DSCC1: variants seen among roughly 807,000 people sequenced by gnomAD.
The protein encoded by DSCC1 is DNA replication and sister chromatid cohesion 1.
DSCC1 carries 32 observed loss-of-function variants against 48.2 expected under a neutral mutation model. The ratio of observed to expected loss-of-function variants is 0.66; its 90% CI spans 0.50 to 0.89. DSCC1 has a LOEUF of 0.89. DSCC1 is among the 40% of genes least tolerant of loss of function. DSCC1 has a pLI of 0.00. For missense variants in DSCC1, 421 were observed against 471.7 expected (o/e 0.89, Z 1.00); for synonymous variants, 150 against 171.5 (o/e 0.87, Z 0.98).
chr8:119,848,245 G>T (rs994247499), intron 3 of DSCC1, among the ~76,000 whole-genome samples: 1 of 152,064 alleles, frequency 6.6e-6, no homozygotes, highest in African/African-American at 2.4e-5. Flanking sequence ...TTACAGGTGT[G>T]AACCATTGCC....
chr8:119,838,818 CT>C (rs1292926959), intron 7 of DSCC1: 1 of 153,246 alleles, frequency 6.5e-6, no homozygotes, highest in Non-Finnish European at 1.5e-5. Context: ...ACTGCAACCT[CT>C]GCCTCCTGGG....
intron 6 of DSCC1, 140 bp downstream of exon 6, chr8:119,842,636 G>C: frequency 1.5e-6 from 1 of 677,710 alleles, no homozygotes; most frequent in Non-Finnish European, 2.5e-6. Flanking sequence ...CCCACCCACT[G>C]CAGCCTTCCA....
In DSCC1 at chr8:119,855,631, C is replaced by T. The variant is rs780548008; in HGVS notation, c.165G>A (p.Gln55=). The change falls in exon 1 of 9, where the codon CAG becomes CAA. Residue 55 remains glutamine, a synonymous_variant. Coordinates refer to ENST00000313655, the MANE Select transcript of DSCC1 (RefSeq NM_024094.3). ...GGGCTCACCTGTGTCCATCCTCCAG[C>T]TGCTGGCACAGCGTGGGCTCCAGCT... The part of the protein sequence containing the change: ...LLELEPTLCQ[Q]LEDGHSLVIR... 5.2e-6 allele frequency: 8 copies of T among 1,545,760 alleles called. No homozygotes were observed. The East Asian group carries it at 2.0e-4, about 38-fold the overall frequency.
intron 2 of DSCC1, among the ~76,000 whole-genome samples, chr8:119,851,235 A>C (rs1826939946): frequency 6.6e-6 from 1 of 152,202 alleles, no homozygotes; most frequent in South Asian, 2.1e-4. Context: ...ATGCCCTCCA[A>C]CTCTGAAATG....
intron 4 of DSCC1, among the ~76,000 whole-genome samples, chr8:119,845,278 G>T (rs930326499): frequency 2.0e-5 from 3 of 151,840 alleles, no homozygotes; most frequent in African/African-American, 4.8e-5. Context: ...ACTAGACAGG[G>T]TTTCACCATG....
intron 7 of DSCC1, 76 bp downstream of exon 7, chr8:119,841,718 C>A (rs917150805): frequency 2.6e-5 from 40 of 1,524,530 alleles, no homozygotes; most frequent in Non-Finnish European, 3.3e-5. Flanking sequence ...GTTCCAAATT[C>A]AGCTCCAACT....
chr8:119,834,596 A>T lies in DSCC1; in HGVS notation c.*297T>A, dbSNP rs1826643521. On this transcript the variant is annotated 3_prime_UTR_variant, in exon 9 of 9. Transcript: ENST00000313655. ...TAGAACATCAAATCCTAAGTAAAGA[A>T]ATGACATTTTAAATATAAAAAGCCA... The T allele has an allele frequency of 4.0e-6, 1 of 253,138 alleles. No individual in the cohort carries two copies. Among genetic ancestry groups the T allele is most frequent in the African/African-American group, 2.3e-5 (1 of 43,084 alleles). 15.7% of individuals were successfully genotyped at this position (253,138 alleles called of 1,614,324 possible).
At chr8:119,842,078 G>A (rs192218648) in intron 6 of DSCC1, 130 bp from the exon 7 acceptor site, 7 of 1,067,496 alleles carry the variant, frequency 6.6e-6, no homozygotes, top group Non-Finnish European at 9.0e-6. Flanking sequence ...CAACCCCATA[G>A]TTCGTTTTTT....
rs1826624556 is a variant in DSCC1 at position 119,834,152 on chromosome 8, T to C, written c.*741A>G. 6.6e-6 allele frequency: 1 copy of C among 152,222 alleles called. No homozygotes were observed. The highest frequency in any genetic ancestry group is 2.4e-5 in the African/African-American group (1 of 41,466). 9.4% of individuals were successfully genotyped at this position (152,222 alleles called of 1,614,324 possible). ...CTCGGCCTACCCCCTCCAACTGTCCTGGTGATGAGTTCATTAGCTAAGTTA... is the reference window on the plus strand; with the variant it reads ...CTCGGCCTACCCCCTCCAACTGTCCCGGTGATGAGTTCATTAGCTAAGTTA... On this transcript the variant is annotated 3_prime_UTR_variant, in exon 9 of 9. Transcript: ENST00000313655.
Sources: allele counts gnomAD v4.1 joint callset (sites outside exome capture counted in the v4.1 genomes callset), GRCh38; gene constraint gnomAD v4.1.1; transcripts MANE v1.5; gene names NCBI Gene and HGNC (gene_info 2026-07-23, HGNC 2026-07-21).